The following FRY variants were observed in gnomAD, a reference collection of about 807,000 sequenced individuals.
FRY encodes the protein protein furry homolog.
FRY carries 128 observed loss-of-function variants against 348.4 expected under a neutral mutation model. The ratio of observed to expected loss-of-function variants is 0.37; its 90% CI spans 0.32 to 0.43. The LOEUF (loss-of-function observed/expected upper bound fraction) is 0.43. Ranked by LOEUF, FRY falls within the 20% of genes least tolerant of loss-of-function variation. FRY has a pLI of 1.00. For missense variants in FRY, 2,736 were observed against 3,695.2 expected (o/e 0.74, Z 6.73); for synonymous variants, 1,370 against 1,374.7 (o/e 1.00, Z 0.08).
chr13:32,202,521 T>G lies in FRY; in HGVS notation c.4012T>G (p.Phe1338Val), dbSNP rs753445480. 6.2e-7 allele frequency: 1 copy of G among 1,612,604 alleles called. No individual in the cohort carries two copies. Among genetic ancestry groups the G allele is most frequent in the Non-Finnish European group, 8.5e-7 (1 of 1,178,608 alleles). ...GTACCCTGAGCTCACACTCCCCCTCTTCTCAGGTACCAGGCAATAGTCAAT... is the reference window on the plus strand; with the variant it reads ...GTACCCTGAGCTCACACTCCCCCTCGTCTCAGGTACCAGGCAATAGTCAAT... Reference protein sequence around the residue: ...RMYPELTLPLFSEVSQRFPTT... With the variant: ...RMYPELTLPLVSEVSQRFPTT... The change falls in exon 31 of 61, where the codon TTC becomes GTC. Residue 1338 changes from phenylalanine to valine, a missense_variant. Coordinates refer to ENST00000542859, the MANE Select transcript of FRY (RefSeq NM_023037.3).
At chr13:32,162,834 A>T (rs999814759) in intron 17 of FRY, among the ~76,000 whole-genome samples, 57 of 152,150 alleles carry the variant, frequency 3.7e-4, no homozygotes, top group African/African-American at 1.4e-3. Context: ...AGACCTAGCA[A>T]CCACAATATG....
chr13:32,097,225 G>A (rs552429816), intron 2 of FRY, among the ~76,000 whole-genome samples: 2 of 152,118 alleles, frequency 1.3e-5, no homozygotes, highest in African/African-American at 4.8e-5. Flanking sequence ...CTGAGTTGTT[G>A]TAGGGGTCTA....
Position 32,208,886 on chromosome 13 carries a change from A to G in FRY, c.4052A>G (p.Asn1351Ser), listed in dbSNP as rs757871767. Residue 1351 changes from asparagine to serine, a missense_variant, in exon 32 of 61, where the codon AAC (asparagine) becomes AGC (serine). This residue lies in a region of FRY where 794 missense variants were observed against 977.0 expected (regional missense o/e 0.81). Coordinates refer to ENST00000542859, the MANE Select transcript of FRY (RefSeq NM_023037.3). ...CAGCGATTCCCCACAACACACCCCA[A>G]CGGGCGCCAGATCATGCTTACCTAC... is the stretch of plus-strand genomic sequence containing the variant. ...VSQRFPTTHP[N>S]GRQIMLTYLL... 1.9e-6 allele frequency: 3 copies of G among 1,613,998 alleles called. No homozygotes were observed. Among genetic ancestry groups the G allele is most frequent in the Admixed American group, 1.7e-5 (1 of 60,014 alleles).
At chr13:32,177,311 A>G (rs916345321) in intron 20 of FRY, among the ~76,000 whole-genome samples, 1 of 152,154 alleles carries the variant, frequency 6.6e-6, no homozygotes, top group Non-Finnish European at 1.5e-5. Flanking sequence ...TATCTTGGCC[A>G]GGTGTGGTGG....
intron 17 of FRY, 51 bp downstream of exon 17, chr13:32,161,302 C>T: frequency 9.3e-7 from 1 of 1,069,634 alleles, no homozygotes; most frequent in Non-Finnish European, 1.5e-6. Context: ...TTTGTTGTGA[C>T]TCCTGAAAAA....
At chr13:32,127,150 T>C (rs1344512945) in intron 7 of FRY, among the ~76,000 whole-genome samples, 2 of 152,234 alleles carry the variant, frequency 1.3e-5, no homozygotes. Context: ...TTCATTTAAA[T>C]AGTAATAATA....
intron 20 of FRY, among the ~76,000 whole-genome samples, chr13:32,177,448 G>A (rs1331215789): frequency 1.3e-5 from 2 of 152,172 alleles, no homozygotes; most frequent in African/African-American, 4.8e-5. Flanking sequence ...ACAAAAATTA[G>A]CGAGGTGTGG....
chr13:32,235,484 C>T (rs930265645), intron 42 of FRY, among the ~76,000 whole-genome samples: 1 of 152,126 alleles, frequency 6.6e-6, no homozygotes, highest in South Asian at 2.1e-4. Context: ...ATTAGCTAGG[C>T]GTGGTAGCAC....
chr13:32,131,845 T>C lies in FRY; in HGVS notation c.885+5T>C, dbSNP rs976400110. The C allele has an allele frequency of 1.3e-5, 21 of 1,610,862 alleles. No individual in the cohort carries two copies. The highest frequency in any genetic ancestry group is 1.7e-5 in the Non-Finnish European group (20 of 1,177,058). ...GCCTCTCTTCAGTTTATGCAGGTAA[T>C]GTCTTAGGCAGGAGAGCTAAGGTGC... is the stretch of plus-strand genomic sequence containing the variant. On this transcript the variant is annotated splice_donor_5th_base_variant and intron_variant, in intron 8 of 60. Coordinates refer to ENST00000542859, the MANE Select transcript of FRY (RefSeq NM_023037.3).
rs529272232 is a variant in FRY at position 32,185,204 on chromosome 13, C to T, written c.3319+56C>T. Reference sequence around the variant, plus strand: ...TCATGCTTGGAAGCCCATTCGTGTTCTTTATTACGGTGCTTTCGTCTTTAA... The same window carrying T: ...TCATGCTTGGAAGCCCATTCGTGTTTTTTATTACGGTGCTTTCGTCTTTAA... On this transcript the variant is annotated intron_variant, in intron 26 of 60. Coordinates refer to ENST00000542859, the MANE Select transcript of FRY (RefSeq NM_023037.3). The T allele has an allele frequency of 3.9e-4, 577 of 1,495,784 alleles. 7 individuals are homozygous for T. In the South Asian group the frequency reaches 6.2e-3, roughly 16 times the overall value. 92.7% of individuals were successfully genotyped at this position (1,495,784 alleles called of 1,614,324 possible). A position where few individuals can be genotyped will look rare whatever the true frequency, so the allele number is the denominator to read the frequency against.
At chr13:32,049,276 A>T (rs181805948) in intron 1 of FRY, among the ~76,000 whole-genome samples, 13 of 152,252 alleles carry the variant, frequency 8.5e-5, no homozygotes, top group African/African-American at 2.4e-4. Context: ...AATTGCAGGG[A>T]GTTGGGGAGG....
intron 28 of FRY, among the ~76,000 whole-genome samples, chr13:32,193,193 AT>A (rs1883455278): frequency 6.6e-6 from 1 of 150,860 alleles, no homozygotes; most frequent in Admixed American, 6.6e-5. Context: ...ATCTAGTATG[AT>A]TTTTTAATTA....
chr13:32,066,635 G>A (rs1874275907), intron 1 of FRY, among the ~76,000 whole-genome samples: 1 of 152,154 alleles, frequency 6.6e-6, no homozygotes, highest in Admixed American at 6.5e-5. Context: ...GCACCAGACA[G>A]GTTCCTGCCT....
At chr13:32,183,818 C>T (rs1882864301) in intron 24 of FRY, among the ~76,000 whole-genome samples, 1 of 146,738 alleles carries the variant, frequency 6.8e-6, no homozygotes, top group Admixed American at 6.8e-5. Flanking sequence ...GGAGGCTTCT[C>T]ATATAGTAGC....
At chr13:32,097,099 T>TGG (rs1287828056) in intron 2 of FRY, among the ~76,000 whole-genome samples, 1 of 152,112 alleles carries the variant, frequency 6.6e-6, no homozygotes, top group Non-Finnish European at 1.5e-5. Context: ...TAGGTAGGTA[T>TGG]GGGGAGCTTT....
Position 32,202,373 on chromosome 13 carries a change from T to C in FRY, c.3864T>C (p.Leu1288=). 5 of 1,614,090 alleles carry C rather than the reference T, an allele frequency of 3.1e-6. No homozygotes were observed. The highest frequency in any genetic ancestry group is 4.2e-6 in the Non-Finnish European group (5 of 1,179,968). Residue 1288 remains leucine, a synonymous_variant, in exon 31 of 61, where the codon CTT becomes CTC. Coordinates refer to ENST00000542859, the MANE Select transcript of FRY (RefSeq NM_023037.3). Reference sequence around the variant, plus strand: ...CTTTATAGATCCTTGAAGCAAAGCTTTTTGTATACTCAAAGAAAGTCGCTG... The same window carrying C: ...CTTTATAGATCCTTGAAGCAAAGCTCTTTGTATACTCAAAGAAAGTCGCTG... The part of the protein sequence containing the change: ...MQLMQILEAK[L]FVYSKKVAEQ...
intron 39 of FRY, 66 bp downstream of exon 39, chr13:32,226,040 G>A: frequency 7.2e-7 from 1 of 1,395,096 alleles, no homozygotes; most frequent in South Asian, 1.2e-5. Flanking sequence ...AACTGCGGGT[G>A]CCAGTGGAGC....
intron 1 of FRY, among the ~76,000 whole-genome samples, chr13:32,063,382 G>T (rs2138452716): frequency 6.6e-6 from 1 of 152,236 alleles, no homozygotes; most frequent in Admixed American, 6.5e-5. Context: ...TTCTGGCAGG[G>T]CTCAGTCTAA....
chr13:32,276,431 T>TAGTTTTAATACC (rs750754378), intron 56 of FRY, 33 bp from the exon 57 acceptor site: 2 of 1,047,326 alleles, frequency 1.9e-6, no homozygotes, highest in African/African-American at 3.1e-5. Context: ...GGTATCTCTC[T>TAGTTTTAATACC]AGTTTTAATA....
Sources: allele counts gnomAD v4.1 joint callset (sites outside exome capture counted in the v4.1 genomes callset), GRCh38; gene constraint gnomAD v4.1.1; regional missense constraint gnomAD v4.1.1; transcripts MANE v1.5; gene names NCBI Gene and HGNC (gene_info 2026-07-23, HGNC 2026-07-21).